The following AKAP7 variants were observed in gnomAD, a reference collection of about 807,000 sequenced individuals.
AKAP7 encodes A-kinase anchoring protein 7.
In AKAP7, 39 loss-of-function variants were observed where a neutral mutation model predicts 39.5. The observed-to-expected ratio is 0.99, with a 90% CI of 0.76 to 1.29. AKAP7 has a LOEUF of 1.29. AKAP7 is among the 50% of genes most tolerant of loss of function. AKAP7 has a pLI of 0.00. For missense variants in AKAP7, 414 were observed against 407.7 expected (o/e 1.02, Z -0.13); for synonymous variants, 140 against 139.1 (o/e 1.01, Z -0.05).
the AKAP7 span, among the ~76,000 whole-genome samples, chr6:131,125,820 C>T: frequency 1.3e-5 from 2 of 152,204 alleles, no homozygotes; most frequent in South Asian, 2.1e-4. Flanking sequence ...ATTCATGCCA[C>T]GAACATCCAA....
At chr6:131,212,519 A>C (rs541486889) in intron 6 of AKAP7, among the ~76,000 whole-genome samples, 2 of 152,300 alleles carry the variant, frequency 1.3e-5, no homozygotes, top group South Asian at 2.1e-4. Context: ...ATCATTGAGC[A>C]CCTTTCTTCC....
At chr6:131,272,809 A>G (rs2128335905) in intron 7 of AKAP7, among the ~76,000 whole-genome samples, 1 of 152,322 alleles carries the variant, frequency 6.6e-6, no homozygotes, top group East Asian at 1.9e-4. Flanking sequence ...CACTAAAACA[A>G]AAGTGTATTC....
intron 5 of AKAP7, chr6:131,184,643 T>C (rs1322437835): frequency 2.7e-5 from 21 of 764,208 alleles, no homozygotes; most frequent in Non-Finnish European, 5.1e-5. Flanking sequence ...GGTTGTCCCA[T>C]CTTCTTGTTA....
intron 6 of AKAP7, among the ~76,000 whole-genome samples, chr6:131,217,122 T>G (rs1262565190): frequency 1.3e-5 from 2 of 152,066 alleles, no homozygotes; most frequent in African/African-American, 2.4e-5. Flanking sequence ...ATTTTGGGGG[T>G]CCACAACCTG....
chr6:131,244,467 G>A (rs1044218318), intron 7 of AKAP7, among the ~76,000 whole-genome samples: 2 of 152,192 alleles, frequency 1.3e-5, no homozygotes, highest in Non-Finnish European at 2.9e-5. Flanking sequence ...GCTGGGACTT[G>A]TCAGCCCATC....
intron 6 of AKAP7, among the ~76,000 whole-genome samples, chr6:131,205,755 T>C (rs916221666): frequency 1.6e-4 from 25 of 152,172 alleles, no homozygotes; most frequent in African/African-American, 5.5e-4. Flanking sequence ...ATATTCTTAG[T>C]TTCATGAAAT....
At chr6:131,172,378 C>G (rs1167789691) in intron 5 of AKAP7, among the ~76,000 whole-genome samples, 1 of 152,082 alleles carries the variant, frequency 6.6e-6, no homozygotes, top group Non-Finnish European at 1.5e-5. Context: ...AAGACAGAGT[C>G]TTGCTCTGTC....
intron 2 of AKAP7, among the ~76,000 whole-genome samples, chr6:131,158,806 A>G (rs993841595): frequency 1.3e-5 from 2 of 151,276 alleles, no homozygotes; most frequent in African/African-American, 4.9e-5. Flanking sequence ...CATGCCCTGC[A>G]GGGGAACTGT....
chr6:131,282,432 A>ACCCCCC lies in AKAP7; in HGVS notation c.*706_*707insCCCCCC, dbSNP rs751048848. The ACCCCCC allele has an allele frequency of 7.9e-6, 12 of 1,520,164 alleles. No homozygotes were observed. Among genetic ancestry groups the ACCCCCC allele is most frequent in the South Asian group, 1.2e-5 (1 of 80,354 alleles). The allele number at this position is 1,520,164 out of a possible 1,614,324, so 94.2% of individuals were successfully genotyped here. A position where few individuals can be genotyped will look rare whatever the true frequency, so the allele number is the denominator to read the frequency against. Reference sequence around the variant, plus strand: ...CCTATTGGAATTCGAGACTTAATTAATGAAGCTTTGCATCGAGAAACGATG... The same window carrying ACCCCCC: ...CCTATTGGAATTCGAGACTTAATTAACCCCCCTGAAGCTTTGCATCGAGAAACGATG... On this transcript the variant is annotated 3_prime_UTR_variant, in exon 8 of 8. Transcript: ENST00000431975.
chr6:131,184,211 C>T, intron 5 of AKAP7: 1 of 405,466 alleles, frequency 2.5e-6, no homozygotes, highest in Non-Finnish European at 4.8e-6. Context: ...ACAACCACCC[C>T]AAGGTTCTCT....
intron 7 of AKAP7, among the ~76,000 whole-genome samples, chr6:131,224,266 CAA>C (rs1809958568): frequency 1.3e-5 from 2 of 152,170 alleles, no homozygotes; most frequent in East Asian, 3.9e-4. Context: ...TATTTTATAA[CAA>C]TATTAGATTT....
At position 131,282,660 on chromosome 6, in the gene AKAP7, T is replaced by A. The variant is rs1815298530; in HGVS notation, c.*934T>A. 1 of 1,422,024 alleles carries A rather than the reference T, an allele frequency of 7.0e-7. No homozygotes were observed. Among genetic ancestry groups the A allele is most frequent in the Admixed American group, 2.1e-5 (1 of 47,894 alleles). The allele number at this position is 1,422,024 out of a possible 1,614,324, so 88.1% of individuals were successfully genotyped here. ...TATGAAATCTTTTCAGCTTATTAAGTAGCTCTTTGGTAAACACCAAAGAAG... is the reference window on the plus strand; with the variant it reads ...TATGAAATCTTTTCAGCTTATTAAGAAGCTCTTTGGTAAACACCAAAGAAG... On this transcript the variant is annotated 3_prime_UTR_variant, in exon 8 of 8. Coordinates refer to ENST00000431975, the MANE Select transcript of AKAP7 (RefSeq NM_016377.4).
chr6:131,231,131 A>T (rs1272222158), intron 7 of AKAP7, among the ~76,000 whole-genome samples: 1 of 152,160 alleles, frequency 6.6e-6, no homozygotes, highest in Admixed American at 6.5e-5. Context: ...ATGGCTATTA[A>T]GCTATCTCCA....
chr6:131,264,740 T>C (rs1813643344), intron 7 of AKAP7, among the ~76,000 whole-genome samples: 1 of 152,130 alleles, frequency 6.6e-6, no homozygotes, highest in South Asian at 2.1e-4. Flanking sequence ...TGGCTCACAG[T>C]TCTGCACGCT....
At chr6:131,166,870 C>G (rs749930485) in intron 4 of AKAP7, among the ~76,000 whole-genome samples, 4 of 152,018 alleles carry the variant, frequency 2.6e-5, no homozygotes, top group Non-Finnish European at 4.4e-5. Context: ...TATATTGATT[C>G]CTAATTTTCA....
intron 7 of AKAP7, among the ~76,000 whole-genome samples, chr6:131,261,209 C>CAAAAA (rs370266418): frequency 9.2e-6 from 1 of 108,608 alleles, no homozygotes; most frequent in African/African-American, 3.3e-5. Flanking sequence ...ACTCTGTCTC[C>CAAAAA]AAAAAAAAAA....
At chr6:131,140,175 C>T (rs937302815) in intron 1 of AKAP7, among the ~76,000 whole-genome samples, 2 of 152,178 alleles carry the variant, frequency 1.3e-5, no homozygotes. Flanking sequence ...ATCGGAATTA[C>T]TCTGCAGAGG....
At position 131,250,309 on chromosome 6, in the gene AKAP7, C is replaced by T. The variant is rs1812340016; in HGVS notation, c.850+30501C>T. The T allele has an allele frequency of 6.2e-6, 8 of 1,282,610 alleles. No homozygotes were observed. The South Asian group carries it at 9.8e-5, about 16-fold the overall frequency. The allele number at this position is 1,282,610 out of a possible 1,614,324, so 79.5% of individuals were successfully genotyped here. On this transcript the variant is annotated intron_variant, in intron 7 of 7. Transcript: ENST00000431975. Reference sequence around the variant, plus strand: ...TTGTGAGAATACGGGAGCGTATAGCCACTTCCTTCACTGAATGCCAGTCCC... The same window carrying T: ...TTGTGAGAATACGGGAGCGTATAGCTACTTCCTTCACTGAATGCCAGTCCC...
At chr6:131,179,688 T>C (rs1804943761) in intron 5 of AKAP7, among the ~76,000 whole-genome samples, 1 of 152,046 alleles carries the variant, frequency 6.6e-6, no homozygotes, top group South Asian at 2.1e-4. Flanking sequence ...GGCAACATAG[T>C]GAGACTTTGT....
Sources: allele counts gnomAD v4.1 joint callset (sites outside exome capture counted in the v4.1 genomes callset), GRCh38; gene constraint gnomAD v4.1.1; transcripts MANE v1.5; gene names NCBI Gene and HGNC (gene_info 2026-07-23, HGNC 2026-07-21).